The following TPR variants were observed in gnomAD, a reference collection of about 807,000 sequenced individuals.
The protein encoded by TPR is nucleoprotein TPR.
Under a neutral mutation model 316.1 loss-of-function variants are expected in TPR, and 51 were observed. The observed-to-expected ratio is 0.16, with a 90% CI of 0.13 to 0.20. TPR has a LOEUF of 0.20. Among genes scored for constraint, TPR ranks in the 10% least tolerant of loss-of-function variants. The pLI is 1.00. For missense variants in TPR, 2,272 were observed against 2,754.8 expected, an observed-to-expected ratio of 0.82 and a Z score of 3.92; for synonymous variants, 981 against 914.7, an observed-to-expected ratio of 1.07 and a Z score of -1.31.
chr1:186,327,607 C>T lies in TPR; in HGVS notation c.5742G>A (p.Gln1914=). The change falls in exon 40 of 51, where the codon CAG becomes CAA. Residue 1914 remains glutamine, a synonymous_variant. Transcript: ENST00000367478. ...GTGGCCCAAGATCTATTTGTAGAGA[C>T]TGAGAGGTTTCTTCACTGTCTTCCA... ...TPMEDSEETS[Q]SLQIDLGPLQ... 2 of 1,613,066 alleles carry T rather than the reference C, an allele frequency of 1.2e-6. No homozygotes were observed. Among genetic ancestry groups the T allele is most frequent in the Non-Finnish European group, 1.7e-6 (2 of 1,179,778 alleles).
chr1:186,332,987 C>T, intron 37 of TPR, 135 bp downstream of exon 37: 1 of 1,043,158 alleles, frequency 9.6e-7, no homozygotes, highest in Non-Finnish European at 1.3e-6. Context: ...GTATTATATC[C>T]AAGATATTAT....
rs1178588008 is a variant in TPR at position 186,327,547 on chromosome 1, C to T, written c.5802G>A (p.Gln1934=). 1.9e-6 allele frequency: 3 copies of T among 1,611,864 alleles called. No homozygotes were observed. Among genetic ancestry groups the T allele is most frequent in the Middle Eastern group, 3.3e-4 (2 of 6,084 alleles). The change falls in exon 40 of 51, where the codon CAG becomes CAA. Residue 1934 remains glutamine (Q), a synonymous_variant. Coordinates refer to ENST00000367478, the MANE Select transcript of TPR (RefSeq NM_003292.3). ...CATCATCTCCTTTGCCTTGACCATC[C>T]TGGGATGAAGTTGTCGTCTGCTGAT... is the stretch of plus-strand genomic sequence containing the variant. ...QSDQQTTTSS[Q]DGQGKGDDVI...
intron 2 of TPR, among the ~76,000 whole-genome samples, chr1:186,372,905 A>G (rs1659577132): frequency 6.6e-6 from 1 of 152,206 alleles, no homozygotes. Context: ...TAAAAAATGG[A>G]GTTAAAACAT....
intron 17 of TPR, among the ~76,000 whole-genome samples, chr1:186,354,888 C>T (rs578193973): frequency 6.9e-6 from 1 of 145,456 alleles, no homozygotes; most frequent in South Asian, 2.2e-4. Flanking sequence ...CTCACATGAA[C>T]TTCAACTTAT....
intron 30 of TPR, among the ~76,000 whole-genome samples, chr1:186,339,104 C>T (rs1658425343): frequency 1.3e-5 from 2 of 152,048 alleles, no homozygotes; most frequent in African/African-American, 4.8e-5. Context: ...CAATACTTTG[C>T]TATTAGTTCA....
At chr1:186,320,803 T>C (rs1174749517) in intron 45 of TPR, among the ~76,000 whole-genome samples, 3 of 152,158 alleles carry the variant, frequency 2.0e-5, no homozygotes, top group Non-Finnish European at 4.4e-5. Flanking sequence ...TAGTTTTCAT[T>C]TGGTCATAGA....
chr1:186,325,764 CACT>C lies in TPR; in HGVS notation c.6109_6111del (p.Ser2037del), dbSNP rs1657908327. On this transcript the variant is annotated inframe_deletion and splice_region_variant, in exon 42 of 51. Transcript: ENST00000367478. ...CAAAAAAGGCTAATAAAAATCTCAC[CACT>C]GTTTTGAGAATCAGCAGCTCTGTGA... 1 of 1,611,430 alleles carries C rather than the reference CACT, an allele frequency of 6.2e-7. No homozygotes were observed. The highest frequency in any genetic ancestry group is 1.7e-5 in the Admixed American group (1 of 59,860).
intron 21 of TPR, among the ~76,000 whole-genome samples, chr1:186,349,671 A>T (rs1451360532): frequency 2.6e-5 from 4 of 151,288 alleles, no homozygotes; most frequent in Non-Finnish European, 2.9e-5. Flanking sequence ...AAAAAAAAAA[A>T]AAAAATAAAT....
chr1:186,314,236 G>A, intron 50 of TPR: 2 of 487,396 alleles, frequency 4.1e-6, no homozygotes, highest in South Asian at 3.4e-5. Flanking sequence ...GGAAAACATG[G>A]AAATATTAAA....
At position 186,343,425 on chromosome 1, in the gene TPR, A is replaced by G. The variant is rs1658572285; in HGVS notation, c.3651T>C (p.Ala1217=). 1 of 1,613,860 alleles carries G rather than the reference A, an allele frequency of 6.2e-7. No individual in the cohort carries two copies. The highest frequency in any genetic ancestry group is 8.5e-7 in the Non-Finnish European group (1 of 1,179,842). ...KEIAETRFEV[A]QVESLRYRQR... ...GTCGATAACGCAGACTCTCAACCTG[A>G]GCCACCTCAAACCTAGTTTCAGCAA... Residue 1217 remains alanine, a synonymous_variant, in exon 27 of 51, where the codon GCT becomes GCC. Transcript: ENST00000367478.
At position 186,332,251 on chromosome 1, in the gene TPR, TATC is replaced by T; in HGVS notation, c.5545_5547del (p.Asp1849del). The T allele has an allele frequency of 1.2e-6, 2 of 1,612,734 alleles. No homozygotes were observed. Among genetic ancestry groups the T allele is most frequent in the South Asian group, 2.2e-5 (2 of 90,626 alleles). Reference sequence around the variant, plus strand: ...TTCTTTGGAAGAGGCATTTCCACTGTATCATCAGAGACTTGGTCTGATGCTTCT... The same window carrying T: ...TTCTTTGGAAGAGGCATTTCCACTGTATCAGAGACTTGGTCTGATGCTTCT... On this transcript the variant is annotated inframe_deletion, in exon 38 of 51. Coordinates refer to ENST00000367478, the MANE Select transcript of TPR (RefSeq NM_003292.3).
Position 186,337,007 on chromosome 1 carries a change from T to C in TPR, c.4506+6A>G. On this transcript the variant is annotated splice_donor_region_variant and intron_variant, in intron 32 of 50. Coordinates refer to ENST00000367478, the MANE Select transcript of TPR (RefSeq NM_003292.3). The stretch of plus-strand genomic sequence containing the variant: ...AATTAGGAACAGACTGTTCTCACAC[T>C]CATACCTTCTGCAGATTCTCTACTT... 1 of 1,613,696 alleles carries C rather than the reference T, an allele frequency of 6.2e-7. No homozygotes were observed.
chr1:186,329,567 TCTAA>T (rs750695313), intron 39 of TPR, among the ~76,000 whole-genome samples: 9 of 152,156 alleles, frequency 5.9e-5, no homozygotes, highest in Non-Finnish European at 8.8e-5. Flanking sequence ...AAAATGAAGT[TCTAA>T]CTGTTTTGAC....
chr1:186,345,149 C>A (rs954090530), intron 24 of TPR, among the ~76,000 whole-genome samples: 4 of 129,914 alleles, frequency 3.1e-5, no homozygotes, highest in Non-Finnish European at 7.0e-5. Flanking sequence ...AATAATGATA[C>A]TTTTTTAACA....
At position 186,373,432 on chromosome 1, in the gene TPR, C is replaced by T; in HGVS notation, c.183G>A (p.Leu61=). Residue 61 remains leucine (L), a synonymous_variant, in exon 2 of 51, where the codon TTG becomes TTA. Transcript: ENST00000367478. Reference sequence around the variant, plus strand: ...TCACAAGTCTCTCCTGACTGTGGGACAACCTCTTTTCTATTTCAAAATACT... The same window carrying T: ...TCACAAGTCTCTCCTGACTGTGGGATAACCTCTTTTCTATTTCAAAATACT... The part of the protein sequence containing the change: ...EQQYFEIEKR[L]SHSQERLVNE... 15 of 1,613,316 alleles carry T rather than the reference C, an allele frequency of 9.3e-6. No homozygotes were observed. The highest frequency in any genetic ancestry group is 1.3e-5 in the Non-Finnish European group (15 of 1,179,698).
At chr1:186,363,181 A>G (rs544065607) in intron 5 of TPR, among the ~76,000 whole-genome samples, 161 bp downstream of exon 5, 8 of 152,232 alleles carry the variant, frequency 5.3e-5, no homozygotes, top group Non-Finnish European at 1.2e-4. Flanking sequence ...TCAAACAAGC[A>G]AAACAGATGA....
chr1:186,373,519 T>C (rs1659594715), intron 1 of TPR, 56 bp from the exon 2 acceptor site: 2 of 1,006,078 alleles, frequency 2.0e-6, no homozygotes, highest in Non-Finnish European at 3.0e-6. Flanking sequence ...ACATACATTG[T>C]GAATACTGTT....
rs767325430 is a variant in TPR at position 186,347,365 on chromosome 1, G to A, written c.2870C>T (p.Thr957Ile). Residue 957 changes from threonine (T) to isoleucine (I), a missense_variant, in exon 22 of 51, where the codon ACA (threonine) becomes ATA (isoleucine). Physicochemically the swap from Thr to Ile is moderately conservative, Grantham distance 89. Around this residue, in one of 10 missense-constraint regions of TPR, gnomAD observed 757 missense variants for 859.8 expected, o/e 0.88. Transcript: ENST00000367478. The part of the protein sequence containing the change: ...QVNDLKERLK[T>I]STSNVEQYQA... ...ATATTGTTCCACATTGCTCGTACTT[G>A]TTTTGAGTCTCTCCTTTAAGTCATT... 2 of 1,614,026 alleles carry A rather than the reference G, an allele frequency of 1.2e-6. No individual in the cohort carries two copies. Among genetic ancestry groups the A allele is most frequent in the Non-Finnish European group, 1.7e-6 (2 of 1,179,972 alleles).
chr1:186,332,976 C>A (rs1022564840), intron 37 of TPR, 146 bp downstream of exon 37: 3 of 895,758 alleles, frequency 3.3e-6, no homozygotes, highest in Non-Finnish European at 4.9e-6. Context: ...ACTTGTGATA[C>A]GTATTATATC....
Sources: gnomAD v4.1 joint callset for allele counts (sites outside exome capture counted in the v4.1 genomes callset) on GRCh38, gnomAD v4.1.1 for gene constraint, gnomAD v4.1.1 regional missense constraint, MANE v1.5 for transcripts, NCBI Gene and HGNC (gene_info 2026-07-23, HGNC 2026-07-21) for gene names.